CLCN3: variants seen among roughly 807,000 people sequenced by gnomAD.
CLCN3 encodes the protein Cl-/H+ antiporter 3.
A neutral mutation model predicts 83.4 loss-of-function variants in CLCN3; 16 were observed. That is an observed-to-expected ratio of 0.19 (90% CI 0.13 to 0.29). The LOEUF (loss-of-function observed/expected upper bound fraction) is 0.29, where lower values mean the gene tolerates loss of function less well. CLCN3 is among the 10% of genes least tolerant of loss of function. The pLI, the probability that CLCN3 is intolerant of heterozygous loss-of-function variation, is 1.00. For missense variants in CLCN3, 544 were observed against 1,006.0 expected (o/e 0.54, Z 6.21); for synonymous variants, 322 against 346.2 (o/e 0.93, Z 0.78).
chr4:169,660,446 G>C, intron 2 of CLCN3: 5 of 1,349,218 alleles, frequency 3.7e-6, no homozygotes, highest in Non-Finnish European at 3.8e-6. Context: ...TTACATAAAA[G>C]AGGTAATACT....
At position 169,721,990 on chromosome 4, in the gene CLCN3, T is replaced by G. The variant is rs1222387736; in HGVS notation, c.*1993T>G. ...CGCCACCATGCCCAGCTAATTTTTT[T>G]GTATTTTTAGTAGAGATGGGGTTTT... is the stretch of plus-strand genomic sequence containing the variant. On this transcript the variant is annotated 3_prime_UTR_variant, in exon 13 of 13. Transcript: ENST00000513761. 1.3e-5 allele frequency: 2 copies of G among 152,192 alleles called. No individual in the cohort carries two copies. Among genetic ancestry groups the G allele is most frequent in the Non-Finnish European group, 2.9e-5 (2 of 68,074 alleles). The allele number at this position is 152,192 out of a possible 1,614,324, so 9.4% of individuals were successfully genotyped here.
At chr4:169,638,285 C>T (rs900499105) in intron 2 of CLCN3, among the ~76,000 whole-genome samples, 1 of 152,132 alleles carries the variant, frequency 6.6e-6, no homozygotes, top group African/African-American at 2.4e-5. Flanking sequence ...TACTTTACCT[C>T]TTTTTACCCC....
At chr4:169,696,632 A>T (rs1732574219) in intron 8 of CLCN3, among the ~76,000 whole-genome samples, 1 of 152,078 alleles carries the variant, frequency 6.6e-6, no homozygotes, top group African/African-American at 2.4e-5. Context: ...GTGCAATAGA[A>T]CACCAGAACT....
Position 169,720,954 on chromosome 4 carries a change from ATAAT to A in CLCN3, c.*961_*964del, listed in dbSNP as rs1196358433. ...CTATGATATACAAGTGCTGTTGAGCATAATTAAATAAAATGCTGCTGCTTTGACA... is the reference window on the plus strand; with the variant it reads ...CTATGATATACAAGTGCTGTTGAGCATAAATAAAATGCTGCTGCTTTGACA... On this transcript the variant is annotated 3_prime_UTR_variant, in exon 13 of 13. Coordinates refer to ENST00000513761, the MANE Select transcript of CLCN3 (RefSeq NM_001829.4). 6.5e-6 allele frequency: 1 copy of A among 152,676 alleles called. No individual in the cohort carries two copies. The highest frequency in any genetic ancestry group is 1.5e-5 in the Non-Finnish European group (1 of 68,044). The allele number at this position is 152,676 out of a possible 1,614,324, so 9.5% of individuals were successfully genotyped here. A position where few individuals can be genotyped will look rare whatever the true frequency, so the allele number is the denominator to read the frequency against.
chr4:169,677,643 G>C (rs1432412918), intron 2 of CLCN3, among the ~76,000 whole-genome samples: 1 of 152,180 alleles, frequency 6.6e-6, no homozygotes, highest in East Asian at 1.9e-4. Context: ...AAGTGAACTT[G>C]CTAGGTTGAA....
intron 3 of CLCN3, chr4:169,680,722 A>C (rs1321285403): frequency 6.6e-6 from 1 of 152,524 alleles, no homozygotes; most frequent in South Asian, 2.1e-4. Flanking sequence ...AAGCTTATTG[A>C]GTGTTGTAAT....
chr4:169,626,213 T>C (rs1001483727), intron 1 of CLCN3, among the ~76,000 whole-genome samples: 3 of 152,174 alleles, frequency 2.0e-5, no homozygotes, highest in African/African-American at 7.2e-5. Context: ...ATAAAGGATG[T>C]TCAAAGGATA....
In CLCN3 at chr4:169,680,031, T is replaced by C; in HGVS notation, c.161-19T>C. The C allele has an allele frequency of 6.3e-7, 1 of 1,599,196 alleles. No homozygotes were observed. The highest frequency in any genetic ancestry group is 8.6e-7 in the Non-Finnish European group (1 of 1,167,606). ...TGTCTCTTCTAAAACATACTCATCTTTCCTTTTCTCTTCTGTAGGAACTCA... is the reference window on the plus strand; with the variant it reads ...TGTCTCTTCTAAAACATACTCATCTCTCCTTTTCTCTTCTGTAGGAACTCA... On this transcript the variant is annotated intron_variant, in intron 2 of 12. Coordinates refer to ENST00000513761, the MANE Select transcript of CLCN3 (RefSeq NM_001829.4).
chr4:169,626,779 A>G (rs1421665674), intron 1 of CLCN3, among the ~76,000 whole-genome samples: 1 of 152,212 alleles, frequency 6.6e-6, no homozygotes, highest in Non-Finnish European at 1.5e-5. Flanking sequence ...GGAGTTCGAG[A>G]CCAGCCTGGC....
intron 3 of CLCN3, chr4:169,680,434 AAATAC>A (rs1447072247): frequency 2.6e-6 from 1 of 389,182 alleles, no homozygotes; most frequent in Non-Finnish European, 4.6e-6. Flanking sequence ...AAAAACAAAG[AAATAC>A]AATAAGAAGA....
intron 2 of CLCN3, 43 bp downstream of exon 2, chr4:169,636,131 C>G: frequency 6.6e-7 from 1 of 1,525,394 alleles, no homozygotes; most frequent in Non-Finnish European, 8.9e-7. Context: ...TCATGAATAT[C>G]CACTAATAAA....
intron 1 of CLCN3, among the ~76,000 whole-genome samples, chr4:169,624,587 T>G (rs1382483776): frequency 3.3e-5 from 5 of 152,182 alleles, no homozygotes; most frequent in Non-Finnish European, 4.4e-5. Flanking sequence ...TACTAATTTT[T>G]AGAAAGCTAT....
At position 169,692,326 on chromosome 4, in the gene CLCN3, T is replaced by G. The variant is rs1732403462; in HGVS notation, c.936+6T>G. On this transcript the variant is annotated splice_donor_region_variant and intron_variant, in intron 7 of 12. Coordinates refer to ENST00000513761, the MANE Select transcript of CLCN3 (RefSeq NM_001829.4). ...ACGAAGCTAAAAAAAGGGAGGTAAG[T>G]GTCTTTTGTAGTTAATTTGACTGAA... 1 of 1,542,046 alleles carries G rather than the reference T, an allele frequency of 6.5e-7. No homozygotes were observed. Among genetic ancestry groups the G allele is most frequent in the Non-Finnish European group, 8.9e-7 (1 of 1,118,702 alleles).
Position 169,689,071 on chromosome 4 carries a change from T to A in CLCN3, c.447T>A (p.Ala149=). 1 of 1,613,310 alleles carries A rather than the reference T, an allele frequency of 6.2e-7. No homozygotes were observed. The highest frequency in any genetic ancestry group is 8.5e-7 in the Non-Finnish European group (1 of 1,179,750). The change falls in exon 5 of 13, where the codon GCT becomes GCA. Residue 149 remains alanine (A), a synonymous_variant. Coordinates refer to ENST00000513761, the MANE Select transcript of CLCN3 (RefSeq NM_001829.4). ...SGALAGLIDI[A]ADWMTDLKEG... ...CACTGGCCGGATTAATAGACATTGC[T>A]GCCGATTGGATGACTGACCTAAAGG...
At chr4:169,675,473 TAATAA>T (rs1731639978) in intron 2 of CLCN3, among the ~76,000 whole-genome samples, 1 of 152,232 alleles carries the variant, frequency 6.6e-6, no homozygotes, top group Non-Finnish European at 1.5e-5. Flanking sequence ...AAAAGTCCTA[TAATAA>T]AATAAACATA....
chr4:169,643,394 C>T (rs2150207604), intron 2 of CLCN3, among the ~76,000 whole-genome samples: 1 of 152,182 alleles, frequency 6.6e-6, no homozygotes, highest in East Asian at 1.9e-4. Context: ...CCATGCCTGG[C>T]TAATTTTTTG....
At chr4:169,623,997 A>G (rs1426178655) in intron 1 of CLCN3, among the ~76,000 whole-genome samples, 7 of 152,216 alleles carry the variant, frequency 4.6e-5, no homozygotes, top group Non-Finnish European at 1.5e-5. Context: ...GTAATCCTAT[A>G]AAATCAGTTT....
intron 11 of CLCN3, among the ~76,000 whole-genome samples, chr4:169,708,228 C>T (rs957653674): frequency 6.6e-6 from 1 of 152,022 alleles, no homozygotes; most frequent in African/African-American, 2.4e-5. Context: ...TTGAATGGCA[C>T]AAGACCAGAC....
rs549918851 is a variant in CLCN3 at position 169,620,861 on chromosome 4, A to G, written c.-219A>G. On this transcript the variant is annotated 5_prime_UTR_variant, in exon 1 of 13. Transcript: ENST00000513761. ...GTTGCTCCCGTGTTTGAAGGAGGAC[A>G]ATAAAAGTCCCACCGGGCAAAATTT... 4 of 398,570 alleles carry G rather than the reference A, an allele frequency of 1.0e-5. No individual in the cohort carries two copies. Among genetic ancestry groups the G allele is most frequent in the African/African-American group, 2.1e-5 (1 of 48,732 alleles). The allele number at this position is 398,570 out of a possible 1,614,324, so 24.7% of individuals were successfully genotyped here.
Sources: gnomAD v4.1 joint callset for allele counts (sites outside exome capture counted in the v4.1 genomes callset) on GRCh38, gnomAD v4.1.1 for gene constraint, MANE v1.5 for transcripts, NCBI Gene and HGNC (gene_info 2026-07-23, HGNC 2026-07-21) for gene names.